Variants in KLHL4 observed in about 807,000 individuals in gnomAD.
KLHL4 encodes kelch like family member 4.
Under a neutral mutation model 45.8 loss-of-function variants are expected in KLHL4, and 17 were observed. That is an observed-to-expected ratio of 0.37 (90% confidence interval 0.25 to 0.56). The LOEUF (loss-of-function observed/expected upper bound fraction) is 0.56. KLHL4 is among the 20% of genes least tolerant of loss of function. The pLI, the probability that KLHL4 is intolerant of heterozygous loss-of-function variation, is 0.79. For synonymous variants in KLHL4, 224 were observed against 189.9 expected (o/e 1.18, Z -1.47); for missense variants, 544 against 544.9 (o/e 1.00, Z 0.02).
At chrX:87,644,508 C>T (rs1245992873) in intron 9 of KLHL4, among the ~76,000 whole-genome samples, 1 of 110,767 alleles carries the variant, frequency 9.0e-6, no homozygotes, top group Non-Finnish European at 1.9e-5. Context: ...TCAACGCAGT[C>T]CCCACCAAAA....
At chrX:87,596,719 G>T (rs1255459059) in intron 1 of KLHL4, among the ~76,000 whole-genome samples, 1 of 111,447 alleles carries the variant, frequency 9.0e-6, no homozygotes, top group Non-Finnish European at 1.9e-5. Context: ...AGAACCCAGG[G>T]GTCTCGACGT....
chrX:87,610,733 C>A (rs1175349701), intron 1 of KLHL4, among the ~76,000 whole-genome samples: 3 of 111,612 alleles, frequency 2.7e-5, no homozygotes, highest in Admixed American at 9.6e-5. Flanking sequence ...TCTTCACTTT[C>A]TTTTTAACTT....
intron 1 of KLHL4, among the ~76,000 whole-genome samples, chrX:87,611,404 T>G (rs1922365394): frequency 9.0e-6 from 1 of 110,829 alleles, no homozygotes; most frequent in African/African-American, 3.3e-5. Context: ...AGTTATGAAC[T>G]GCATCATGAC....
At chrX:87,652,193 GA>G (rs1391357783) in intron 9 of KLHL4, among the ~76,000 whole-genome samples, 2 of 112,156 alleles carry the variant, frequency 1.8e-5, no homozygotes, top group African/African-American at 6.5e-5. Context: ...ACAGCATGGG[GA>G]AAACATTTTT....
Position 87,668,410 on chromosome X carries a change from T to C in KLHL4, c.*1876T>C. On this transcript the variant is annotated 3_prime_UTR_variant, in exon 11 of 11. Transcript: ENST00000373119. ...GTTGAATACTCTCTTCTCAATGGCA[T>C]AGCTGGACTTGATTAAGTATTGACT... 2 of 749,195 alleles carry C rather than the reference T, an allele frequency of 2.7e-6. No individual in the cohort carries two copies. The highest frequency in any genetic ancestry group is 3.2e-6 in the Non-Finnish European group (2 of 634,590). The allele number at this position is 749,195 out of a possible 1,213,427, so 61.7% of individuals were successfully genotyped here. A position where few individuals can be genotyped will look rare whatever the true frequency, so the allele number is the denominator to read the frequency against.
At chrX:87,561,537 G>T in intron 1 of KLHL4, among the ~76,000 whole-genome samples, 1 of 111,637 alleles carries the variant, frequency 9.0e-6, no homozygotes, top group East Asian at 2.9e-4. Flanking sequence ...GCAGGCTAAA[G>T]TGTTATGGGA....
chrX:87,583,837 G>A (rs1921369492), intron 1 of KLHL4, among the ~76,000 whole-genome samples: 1 of 111,050 alleles, frequency 9.0e-6, no homozygotes, highest in African/African-American at 3.3e-5. Flanking sequence ...TTAGGTACCA[G>A]CATGACCACA....
At chrX:87,651,194 G>A (rs1280516789) in intron 9 of KLHL4, among the ~76,000 whole-genome samples, 1 of 111,353 alleles carries the variant, frequency 9.0e-6, no homozygotes, top group African/African-American at 3.3e-5. Flanking sequence ...AGGCCCCCAT[G>A]ATTCAATTAT....
At position 87,656,830 on chromosome X, in the gene KLHL4, T is replaced by C. The variant is rs1367290888; in HGVS notation, c.1926-7934T>C. On this transcript the variant is annotated intron_variant, in intron 9 of 10. Coordinates refer to ENST00000373119, the MANE Select transcript of KLHL4 (RefSeq NM_019117.5). Reference sequence around the variant, plus strand: ...TTGAAAAGAAAAATATCACATCTTCTTATTTTTAAACTTACTTTTATTTGG... The same window carrying C: ...TTGAAAAGAAAAATATCACATCTTCCTATTTTTAAACTTACTTTTATTTGG... 2.7e-5 allele frequency among the ~76,000 whole-genome samples: 3 copies of C among 112,183 alleles called. No individual in the cohort carries two copies. The East Asian group carries it at 8.5e-4, about 32-fold the overall frequency.
chrX:87,569,820 G>C (rs1326499855), intron 1 of KLHL4, among the ~76,000 whole-genome samples: 1 of 111,591 alleles, frequency 9.0e-6, no homozygotes, highest in Non-Finnish European at 1.9e-5. Flanking sequence ...AGGATAGGGA[G>C]AGAGATGAAG....
chrX:87,634,320 C>A lies in KLHL4; in HGVS notation c.1712+409C>A, dbSNP rs1045967821. On this transcript the variant is annotated intron_variant, in intron 8 of 10. Coordinates refer to ENST00000373119, the MANE Select transcript of KLHL4 (RefSeq NM_019117.5). Reference sequence around the variant, plus strand: ...CAAGGTGATTCTTTTATTCTTTCAACAATCCCTCTCCTGAGTGTTCAGGGT... The same window carrying A: ...CAAGGTGATTCTTTTATTCTTTCAAAAATCCCTCTCCTGAGTGTTCAGGGT... Among the ~76,000 whole-genome samples the A allele has an allele frequency of 1.1e-3, 126 of 111,639 alleles. 1 individual carries two copies. The highest frequency in any genetic ancestry group is 4.0e-3 in the African/African-American group (122 of 30,709).
intron 4 of KLHL4, among the ~76,000 whole-genome samples, chrX:87,618,985 C>A (rs1455748015): frequency 1.8e-5 from 2 of 111,575 alleles, no homozygotes; most frequent in East Asian, 5.6e-4. Flanking sequence ...TAAGATAGAG[C>A]ATATTAAATG....
chrX:87,561,876 C>T (rs1329983310), intron 1 of KLHL4, among the ~76,000 whole-genome samples: 1 of 110,189 alleles, frequency 9.1e-6, no homozygotes, highest in African/African-American at 3.3e-5. Context: ...TCCCAGACAG[C>T]ATTTCTAGAT....
At chrX:87,618,190 A>G in intron 4 of KLHL4, 62 bp downstream of exon 4, 1 of 875,819 alleles carries the variant, frequency 1.1e-6, no homozygotes, top group Admixed American at 3.0e-5. Context: ...AATAAAATTA[A>G]TAAGCAACAT....
chrX:87,620,187 A>C (rs1163633777), intron 4 of KLHL4, among the ~76,000 whole-genome samples: 4 of 112,229 alleles, frequency 3.6e-5, no homozygotes, highest in African/African-American at 1.3e-4. Context: ...TAAATTTTGC[A>C]ACAATATAAG....
At chrX:87,531,344 G>T (rs1931271446) in intron 1 of KLHL4, among the ~76,000 whole-genome samples, 1 of 110,847 alleles carries the variant, frequency 9.0e-6, no homozygotes, top group Admixed American at 9.7e-5. Context: ...CCTTGCCCAT[G>T]CCTATGTCCT....
At chrX:87,561,894 G>A (rs1932107274) in intron 1 of KLHL4, among the ~76,000 whole-genome samples, 2 of 109,981 alleles carry the variant, frequency 1.8e-5, no homozygotes, top group African/African-American at 6.6e-5. Flanking sequence ...GATCCACTCT[G>A]GGCATCACGG....
chrX:87,656,412 A>T (rs996208000), intron 9 of KLHL4, among the ~76,000 whole-genome samples: 3 of 109,358 alleles, frequency 2.7e-5, no homozygotes, highest in Non-Finnish European at 5.7e-5. Context: ...GTCTGACTGG[A>T]TAAATTAAAA....
intron 1 of KLHL4, among the ~76,000 whole-genome samples, chrX:87,550,642 GA>G (rs1273683688): frequency 9.1e-6 from 1 of 109,894 alleles, no homozygotes; most frequent in Non-Finnish European, 1.9e-5. Context: ...ACAAAATATC[GA>G]AAAAAAATCC....
Sources: allele counts gnomAD v4.1 joint callset (sites outside exome capture counted in the v4.1 genomes callset), GRCh38; gene constraint gnomAD v4.1.1; transcripts MANE v1.5; gene names NCBI Gene and HGNC (gene_info 2026-07-23, HGNC 2026-07-21).